GRB14: variants seen among roughly 807,000 people sequenced by gnomAD.
The protein encoded by GRB14 is growth factor receptor bound protein 14.
A neutral mutation model predicts 69.1 loss-of-function variants in GRB14; 38 were observed. The observed-to-expected ratio is 0.55, with a 90% CI of 0.42 to 0.72. The LOEUF (loss-of-function observed/expected upper bound fraction) is 0.72. Among genes scored for constraint, GRB14 ranks in the 30% least tolerant of loss-of-function variants. GRB14 has a pLI of 0.00. For synonymous variants in GRB14, 247 were observed against 241.3 expected, an observed-to-expected ratio of 1.02 and a Z score of -0.22; for missense variants, 666 against 666.1, an observed-to-expected ratio of 1.00 and a Z score of 0.00.
rs762928893 is a variant in GRB14 at position 164,494,526 on chromosome 2, TAAAG to T, written c.1383-6_1383-3del. On this transcript the variant is annotated splice_region_variant and splice_polypyrimidine_tract_variant and intron_variant, in intron 12 of 13. Coordinates refer to ENST00000263915, the MANE Select transcript of GRB14 (RefSeq NM_004490.3). ...TGACTATCCCGTACCAAGAAAACTC[TAAAG>T]AGAGAGAAGGAATTTCAATGTTTCT... The T allele has an allele frequency of 7.7e-6, 11 of 1,435,146 alleles. No homozygotes were observed. Among genetic ancestry groups the T allele is most frequent in the Non-Finnish European group, 1.1e-5 (11 of 1,017,234 alleles). 88.9% of individuals were successfully genotyped at this position (1,435,146 alleles called of 1,614,324 possible).
At chr2:164,619,407 GGT>G (rs1690388672) in intron 2 of GRB14, among the ~76,000 whole-genome samples, 1 of 152,030 alleles carries the variant, frequency 6.6e-6, no homozygotes, top group Admixed American at 6.6e-5. Context: ...CTACCTATCT[GGT>G]GAATGATTAT....
chr2:164,569,683 A>T (rs1319183146), intron 2 of GRB14, among the ~76,000 whole-genome samples: 1 of 152,192 alleles, frequency 6.6e-6, no homozygotes, highest in Non-Finnish European at 1.5e-5. Flanking sequence ...TCCTCAAAAG[A>T]AAAAAGAGAC....
At chr2:164,505,700 C>G (rs1687171192) in intron 8 of GRB14, among the ~76,000 whole-genome samples, 1 of 151,824 alleles carries the variant, frequency 6.6e-6, no homozygotes, top group Admixed American at 6.6e-5. Flanking sequence ...CATTTATGTC[C>G]ATATGTATAT....
At chr2:164,556,741 C>A (rs913165675) in intron 2 of GRB14, among the ~76,000 whole-genome samples, 1 of 152,178 alleles carries the variant, frequency 6.6e-6, no homozygotes, top group African/African-American at 2.4e-5. Context: ...TTGTTGCAAG[C>A]ATGCAAGTGT....
At chr2:164,566,035 T>C (rs1688964704) in intron 2 of GRB14, among the ~76,000 whole-genome samples, 1 of 152,282 alleles carries the variant, frequency 6.6e-6, no homozygotes, top group African/African-American at 2.4e-5. Context: ...TTCCATTTGA[T>C]AAATTATTTG....
chr2:164,600,239 G>A (rs73971061), intron 2 of GRB14, among the ~76,000 whole-genome samples: 183 of 152,174 alleles, frequency 1.2e-3, no homozygotes, highest in African/African-American at 4.3e-3. Flanking sequence ...GGCAATTCCC[G>A]TTGCCATAGA....
intron 2 of GRB14, among the ~76,000 whole-genome samples, chr2:164,609,732 C>G (rs549842849): frequency 1.3e-5 from 2 of 152,182 alleles, no homozygotes; most frequent in Non-Finnish European, 2.9e-5. Context: ...GCACTCCTTG[C>G]TTTGCTCTTA....
chr2:164,508,320 T>C lies in GRB14; in HGVS notation c.1023+135A>G, dbSNP rs535969168. On this transcript the variant is annotated intron_variant, in intron 8 of 13. Coordinates refer to ENST00000263915, the MANE Select transcript of GRB14 (RefSeq NM_004490.3). ...TTTATCATTTAGAATTTTAAAAACA[T>C]ACACATTTGGTGGTTATTTTTCTTC... 5.8e-5 allele frequency: 37 copies of C among 638,416 alleles called. No homozygotes were observed. The Admixed American group carries it at 7.8e-4, about 13-fold the overall frequency. 39.5% of individuals were successfully genotyped at this position (638,416 alleles called of 1,614,324 possible).
intron 2 of GRB14, among the ~76,000 whole-genome samples, chr2:164,549,219 T>C (rs943797900): frequency 3.9e-5 from 6 of 152,142 alleles, no homozygotes; most frequent in African/African-American, 1.4e-4. Context: ...TTTTCTGATA[T>C]TGAGTTGTAT....
chr2:164,617,422 T>G (rs1690324427), intron 2 of GRB14, among the ~76,000 whole-genome samples: 1 of 144,182 alleles, frequency 6.9e-6, no homozygotes, highest in African/African-American at 2.7e-5. Flanking sequence ...CAGTTTGCTA[T>G]TTTTTTTTTG....
At chr2:164,582,431 T>A (rs71426729) in intron 2 of GRB14, among the ~76,000 whole-genome samples, 20,099 of 150,362 alleles carry the variant, frequency 0.13, 1,485 homozygotes, top group Middle Eastern at 0.16. Flanking sequence ...ATTATTTTTT[T>A]TTTTTTTTGA....
chr2:164,603,991 G>C (rs1334810199), intron 2 of GRB14, among the ~76,000 whole-genome samples: 1 of 152,194 alleles, frequency 6.6e-6, no homozygotes, highest in African/African-American at 2.4e-5. Flanking sequence ...CAAATAAAAA[G>C]ATGCTCAACC....
chr2:164,510,998 T>C (rs763543369), intron 6 of GRB14, among the ~76,000 whole-genome samples: 2 of 152,202 alleles, frequency 1.3e-5, no homozygotes, highest in African/African-American at 2.4e-5. Context: ...AGTGCTGCCC[T>C]GTCACAGTGG....
chr2:164,614,102 C>T (rs1327023343), intron 2 of GRB14, among the ~76,000 whole-genome samples: 3 of 152,286 alleles, frequency 2.0e-5, no homozygotes, highest in East Asian at 1.9e-4. Flanking sequence ...CTTTGAGAAG[C>T]GCAGCTGTAA....
At chr2:164,502,793 T>TA (rs1444332041) in intron 8 of GRB14, among the ~76,000 whole-genome samples, 62 of 152,248 alleles carry the variant, frequency 4.1e-4, no homozygotes, top group African/African-American at 1.1e-3. Flanking sequence ...TTCCCTCTGG[T>TA]AAATCCATAA....
intron 6 of GRB14, among the ~76,000 whole-genome samples, chr2:164,516,305 C>A (rs1019273366): frequency 6.6e-6 from 1 of 151,972 alleles, no homozygotes; most frequent in Non-Finnish European, 1.5e-5. Flanking sequence ...ATCTTAAGAG[C>A]TATGAGGCAT....
intron 2 of GRB14, among the ~76,000 whole-genome samples, chr2:164,603,132 T>C (rs1319093016): frequency 6.6e-6 from 1 of 152,110 alleles, no homozygotes; most frequent in African/African-American, 2.4e-5. Flanking sequence ...GGGGTATTCA[T>C]GGAATGGTTT....
intron 2 of GRB14, among the ~76,000 whole-genome samples, chr2:164,570,867 T>G (rs965493052): frequency 6.6e-6 from 1 of 152,212 alleles, no homozygotes; most frequent in Admixed American, 6.5e-5. Context: ...AAACACTTAA[T>G]AGATGACTAG....
At position 164,615,014 on chromosome 2, in the gene GRB14, A is replaced by T. The variant is rs558206092; in HGVS notation, c.324+4673T>A. Among the ~76,000 whole-genome samples, 16 of 152,300 alleles carry T rather than the reference A, an allele frequency of 1.1e-4. No homozygotes were observed. In the South Asian group the frequency reaches 3.3e-3, roughly 32 times the overall value. ...ATTTTTATTTTTCTGAGACATACAAAAAAAGGCTTAATTTAATAAAGAATA... is the reference window on the plus strand; with the variant it reads ...ATTTTTATTTTTCTGAGACATACAATAAAAGGCTTAATTTAATAAAGAATA... On this transcript the variant is annotated intron_variant, in intron 2 of 13. Transcript: ENST00000263915.
Sources: allele counts gnomAD v4.1 joint callset (sites outside exome capture counted in the v4.1 genomes callset), GRCh38; gene constraint gnomAD v4.1.1; transcripts MANE v1.5; gene names NCBI Gene and HGNC (gene_info 2026-07-23, HGNC 2026-07-21).